Variants in DACH2 observed in about 807,000 individuals in gnomAD.
DACH2 encodes dachshund family transcription factor 2, also known as dachshund homolog 2.
DACH2 carries 17 observed loss-of-function variants against 35.8 expected under a neutral mutation model. That is an observed-to-expected ratio of 0.48 (90% CI 0.33 to 0.71). DACH2 has a LOEUF of 0.71. DACH2 is among the 30% of genes least tolerant of loss of function. The pLI is 0.02. For missense variants in DACH2, 469 were observed against 472.7 expected (o/e 0.99, Z 0.07); for synonymous variants, 195 against 177.3 (o/e 1.10, Z -0.79).
chrX:86,746,557 A>G (rs183940937), intron 7 of DACH2, among the ~76,000 whole-genome samples: 57 of 111,875 alleles, frequency 5.1e-4, no homozygotes, highest in African/African-American at 1.8e-3. Flanking sequence ...TCTTCTTTGG[A>G]CAAATATCTA....
intron 2 of DACH2, among the ~76,000 whole-genome samples, chrX:86,502,537 T>C (rs1046964759): frequency 8.9e-6 from 1 of 112,573 alleles, no homozygotes; most frequent in Non-Finnish European, 1.9e-5. Context: ...AACAATTATG[T>C]AATAGGAACA....
intron 7 of DACH2, among the ~76,000 whole-genome samples, chrX:86,787,618 CAAAAA>C (rs5902916): frequency 1.4e-5 from 1 of 72,320 alleles, no homozygotes; most frequent in Non-Finnish European, 2.6e-5. Flanking sequence ...AACTCAGTCT[CAAAAA>C]AAAAAAAAAA....
At chrX:86,283,147 A>G (rs1345559725) in intron 1 of DACH2, among the ~76,000 whole-genome samples, 2 of 108,297 alleles carry the variant, frequency 1.8e-5, no homozygotes, top group Admixed American at 1.0e-4. Flanking sequence ...ATCACTGGTC[A>G]TTAGAGAAAT....
At chrX:86,189,360 T>C (rs888486403) in intron 1 of DACH2, among the ~76,000 whole-genome samples, 4 of 111,966 alleles carry the variant, frequency 3.6e-5, no homozygotes, top group Admixed American at 2.9e-4. Context: ...GAAGATAGTT[T>C]GGTGTGTTTG....
rs781533813 is a variant in DACH2 at position 86,791,681 on chromosome X, T to C, written c.1241-21175T>C. On this transcript the variant is annotated intron_variant, in intron 7 of 11. Coordinates refer to ENST00000373125, the MANE Select transcript of DACH2 (RefSeq NM_053281.3). ...CAAATGTTCATATGACTTTCTGTCA[T>C]ATGTAATTTAGAAAACAGATATTTA... Among the ~76,000 whole-genome samples the C allele has an allele frequency of 4.5e-5, 5 of 111,866 alleles. No individual in the cohort carries two copies. The South Asian group carries it at 1.8e-3, about 41-fold the overall frequency.
intron 1 of DACH2, among the ~76,000 whole-genome samples, chrX:86,298,088 A>G (rs2034503735): frequency 8.9e-6 from 1 of 111,994 alleles, no homozygotes; most frequent in Non-Finnish European, 1.9e-5. Context: ...ATTTCATAAT[A>G]TGAGGATATA....
chrX:86,682,364 G>T (rs1035504493), intron 4 of DACH2, among the ~76,000 whole-genome samples: 1 of 111,615 alleles, frequency 9.0e-6, no homozygotes, highest in African/African-American at 3.3e-5. Context: ...ATTCTTTACT[G>T]GTGGTACAAG....
At chrX:86,399,632 A>C (rs1307843093) in intron 2 of DACH2, among the ~76,000 whole-genome samples, 47 of 110,788 alleles carry the variant, frequency 4.2e-4, no homozygotes, top group African/African-American at 1.5e-3. Flanking sequence ...TTTCTCTTTC[A>C]CTTATGAAGC....
chrX:86,571,215 C>A (rs1569443395), intron 3 of DACH2, among the ~76,000 whole-genome samples: 2 of 111,135 alleles, frequency 1.8e-5, no homozygotes, highest in African/African-American at 6.5e-5. Flanking sequence ...ATTACCTTGG[C>A]AACTTTGTTG....
At chrX:86,377,707 G>A (rs1175435291) in intron 2 of DACH2, among the ~76,000 whole-genome samples, 1 of 110,340 alleles carries the variant, frequency 9.1e-6, no homozygotes, top group East Asian at 2.8e-4. Flanking sequence ...TGCCCTTGAT[G>A]CAGGCTTTAT....
At chrX:86,486,830 G>T (rs1472117767) in intron 2 of DACH2, among the ~76,000 whole-genome samples, 2 of 111,854 alleles carry the variant, frequency 1.8e-5, no homozygotes, top group African/African-American at 6.5e-5. Flanking sequence ...ACTATTTAGA[G>T]AATTAAGTTG....
intron 7 of DACH2, among the ~76,000 whole-genome samples, chrX:86,799,615 T>C (rs1434229069): frequency 8.9e-6 from 1 of 112,245 alleles, no homozygotes; most frequent in Non-Finnish European, 1.9e-5. Context: ...ACTTTAGAGC[T>C]AATCTGAGAG....
At chrX:86,544,873 A>G (rs906958643) in intron 3 of DACH2, among the ~76,000 whole-genome samples, 4 of 112,396 alleles carry the variant, frequency 3.6e-5, no homozygotes, top group Non-Finnish European at 5.6e-5. Context: ...GCAAGACCTA[A>G]TGATTTGATA....
At chrX:86,444,757 CT>C (rs1297141123) in intron 2 of DACH2, among the ~76,000 whole-genome samples, 2 of 110,170 alleles carry the variant, frequency 1.8e-5, no homozygotes, top group Admixed American at 9.7e-5. Context: ...CTTTTGTGCT[CT>C]TTTATTTTTT....
chrX:86,595,268 G>C (rs377278850), intron 3 of DACH2, among the ~76,000 whole-genome samples: 3 of 110,500 alleles, frequency 2.7e-5, no homozygotes, highest in East Asian at 5.7e-4. Flanking sequence ...ATCCTGTCTG[G>C]ATAATTTTAG....
intron 1 of DACH2, among the ~76,000 whole-genome samples, chrX:86,331,236 G>A (rs1290505641): frequency 9.0e-6 from 1 of 110,864 alleles, no homozygotes; most frequent in African/African-American, 3.3e-5. Flanking sequence ...TACTCCTGTT[G>A]AGATATTTAC....
At chrX:86,471,263 CCTT>C (rs2037756919) in intron 2 of DACH2, among the ~76,000 whole-genome samples, 1 of 111,474 alleles carries the variant, frequency 9.0e-6, no homozygotes, top group Non-Finnish European at 1.9e-5. Context: ...GTTTGAGAGA[CCTT>C]CTCCTTTACT....
Position 86,271,530 on chromosome X carries a change from C to A in DACH2, c.489-105294C>A, listed in dbSNP as rs777812822. The stretch of plus-strand genomic sequence containing the variant: ...GATTAGAAATGTAAAGAATCTGAGA[C>A]GTGAAAGATGAGTAGGAATTGGTTG... On this transcript the variant is annotated intron_variant, in intron 1 of 11. Coordinates refer to ENST00000373125, the MANE Select transcript of DACH2 (RefSeq NM_053281.3). Among the ~76,000 whole-genome samples the A allele has an allele frequency of 2.7e-5, 3 of 111,456 alleles. No individual in the cohort carries two copies. The South Asian group carries it at 1.1e-3, about 42-fold the overall frequency.
At chrX:86,403,908 T>A (rs893761183) in intron 2 of DACH2, among the ~76,000 whole-genome samples, 24 of 110,440 alleles carry the variant, frequency 2.2e-4, no homozygotes, top group African/African-American at 7.6e-4. Flanking sequence ...ACATTCATGG[T>A]AGAAGGGGAA....
Sources: gnomAD v4.1 joint callset for allele counts (sites outside exome capture counted in the v4.1 genomes callset) on GRCh38, gnomAD v4.1.1 for gene constraint, MANE v1.5 for transcripts, NCBI Gene and HGNC (gene_info 2026-07-23, HGNC 2026-07-21) for gene names.